The following BAG5 variants were observed in gnomAD, a reference collection of about 807,000 sequenced individuals.
BAG5 encodes BAG family molecular chaperone regulator 5.
BAG5 carries 25 observed loss-of-function variants against 31.8 expected under a neutral mutation model. The observed-to-expected ratio is 0.79, with a 90% CI of 0.57 to 1.10. The LOEUF (loss-of-function observed/expected upper bound fraction) is 1.10. BAG5 is among the 50% of genes least tolerant of loss of function. The pLI, the probability that BAG5 is intolerant of heterozygous loss-of-function variation, is 0.00. For synonymous variants in BAG5, 208 were observed against 205.0 expected (o/e 1.01, Z -0.13); for missense variants, 491 against 527.9 (o/e 0.93, Z 0.68).
At chr14:103,562,307 G>A (rs979314473) in intron 1 of BAG5, 14 of 398,984 alleles carry the variant, frequency 3.5e-5, no homozygotes, top group Non-Finnish European at 5.5e-5. Flanking sequence ...CCGGGTGCCA[G>A]GGCGCGCCTG....
rs1028835743 is a variant in BAG5, at chr14:103,558,767, G to A, written c.*1054C>T. ...TTTACTAAGTGAGTGGTTAACAGCTGACTGCCTAGAAAACCTAGGAAGGCC... is the reference window on the plus strand; with the variant it reads ...TTTACTAAGTGAGTGGTTAACAGCTAACTGCCTAGAAAACCTAGGAAGGCC... On this transcript the variant is annotated 3_prime_UTR_variant, in exon 2 of 2. Coordinates refer to ENST00000299204, the MANE Select transcript of BAG5 (RefSeq NM_001015048.3). 2 of 152,202 alleles carry A rather than the reference G, an allele frequency of 1.3e-5. No individual in the cohort carries two copies. The highest frequency in any genetic ancestry group is 6.5e-5 in the Admixed American group (1 of 15,274). The allele number at this position is 152,202 out of a possible 1,614,324, so 9.4% of individuals were successfully genotyped here.
chr14:103,557,369 G>A lies in BAG5; in HGVS notation c.*2452C>T, dbSNP rs534611553. On this transcript the variant is annotated 3_prime_UTR_variant, in exon 2 of 2. Transcript: ENST00000299204. ...AAGGAACGAGAACAGATTGAAACCA[G>A]AAACAAAGCCATGCCTGACAGTCAA... is the stretch of plus-strand genomic sequence containing the variant. 4 of 152,298 alleles carry A rather than the reference G, an allele frequency of 2.6e-5. No homozygotes were observed. The highest frequency in any genetic ancestry group is 9.6e-5 in the African/African-American group (4 of 41,560). The allele number at this position is 152,298 out of a possible 1,614,324, so 9.4% of individuals were successfully genotyped here.
chr14:103,561,768 T>A, intron 1 of BAG5: 1 of 632,298 alleles, frequency 1.6e-6, no homozygotes, highest in Non-Finnish European at 2.8e-6. Flanking sequence ...ACCCCACAGG[T>A]AAAGAAGAGC....
At position 103,558,565 on chromosome 14, in the gene BAG5, C is replaced by G. The variant is rs2076051293; in HGVS notation, c.*1256G>C. 6.6e-6 allele frequency: 1 copy of G among 152,214 alleles called. No individual in the cohort carries two copies. Among genetic ancestry groups the G allele is most frequent in the African/African-American group, 2.4e-5 (1 of 41,444 alleles). 9.4% of individuals were successfully genotyped at this position (152,214 alleles called of 1,614,324 possible). On this transcript the variant is annotated 3_prime_UTR_variant, in exon 2 of 2. Transcript: ENST00000299204. ...TCCTCAGAAAGCATTTATGGAAATA[C>G]ACATCCTTTAGAAGAGAGATGCTTC...
chr14:103,559,976 G>A lies in BAG5; in HGVS notation c.1189C>T (p.Arg397Trp), dbSNP rs368719657. Residue 397 changes from arginine to tryptophan, a missense_variant, in exon 2 of 2, where the codon CGG becomes TGG. Coordinates refer to ENST00000299204, the MANE Select transcript of BAG5 (RefSeq NM_001015048.3). ...TGCTTGGTGAGCAGCTCTTCCAGCCGGATGTAGTTCTTATCGGTTCGATTT... is the reference window on the plus strand; with the variant it reads ...TGCTTGGTGAGCAGCTCTTCCAGCCAGATGTAGTTCTTATCGGTTCGATTT... The part of the protein sequence containing the change: ...DGNRTDKNYI[R>W]LEELLTKQLL... 6.8e-6 allele frequency: 11 copies of A among 1,614,048 alleles called. No individual in the cohort carries two copies. The highest frequency in any genetic ancestry group is 1.3e-5 in the African/African-American group (1 of 74,920).
rs374223179 is a variant in BAG5 at position 103,560,183 on chromosome 14, T to A, written c.982A>T (p.Ile328Phe). ...ACTGCTCTTCTCCTGGCTTCCCGGA[T>A]GCAGGGGTTTTTTTCAAGACTTACC... Reference protein sequence around the residue: ...DEVSLEKNPCIREARRRAVIE... With the variant: ...DEVSLEKNPCFREARRRAVIE... Residue 328 changes from isoleucine (I) to phenylalanine (F), a missense_variant, in exon 2 of 2, where the codon ATC becomes TTC. By Grantham distance (21) the Ile-to-Phe change is conservative. Coordinates refer to ENST00000299204, the MANE Select transcript of BAG5 (RefSeq NM_001015048.3). The A allele has an allele frequency of 6.2e-7, 1 of 1,614,206 alleles. No individual in the cohort carries two copies. The highest frequency in any genetic ancestry group is 1.1e-5 in the South Asian group (1 of 91,084).
chr14:103,561,042 T>C lies in BAG5; in HGVS notation c.123A>G (p.Lys41=). ...GCTGTTTTGTTAGAATCCTCTCCAGTTTCTTGTAATTCTTGTCATCTGACA... is the reference window on the plus strand; with the variant it reads ...GCTGTTTTGTTAGAATCCTCTCCAGCTTCTTGTAATTCTTGTCATCTGACA... ...SGLSDDKNYK[K]LERILTKQLF... is the part of the protein sequence containing the mutation. Residue 41 remains lysine (K), a synonymous_variant, in exon 2 of 2, where the codon AAA becomes AAG. Transcript: ENST00000299204. 6.2e-7 allele frequency: 1 copy of C among 1,613,486 alleles called. No homozygotes were observed. Among genetic ancestry groups the C allele is most frequent in the Non-Finnish European group, 8.5e-7 (1 of 1,180,028 alleles).
intron 1 of BAG5, chr14:103,561,920 T>G (rs1163782069): frequency 6.2e-7 from 1 of 1,608,982 alleles, no homozygotes; most frequent in African/African-American, 1.3e-5. Flanking sequence ...CGCCTCCCAC[T>G]GGGAGTCCAC....
Position 103,560,503 on chromosome 14 carries a change from G to C in BAG5, c.662C>G (p.Ser221Trp), listed in dbSNP as rs762520743. The change falls in exon 2 of 2, where the codon TCG becomes TGG. Residue 221 changes from serine (S) to tryptophan (W), a missense_variant. Physicochemically the swap from Ser to Trp is radical, Grantham distance 177 (BLOSUM62 -3). Transcript: ENST00000299204. ...AGCATCCAGGTCAGCGATCAGCCCC[G>C]AGAGCACACAGGATAAGTGCCTGCA... ...ETCRHLSCVL[S>W]GLIADLDALD... is the part of the protein sequence containing the mutation. The C allele has an allele frequency of 6.2e-7, 1 of 1,613,980 alleles. No homozygotes were observed. Among genetic ancestry groups the C allele is most frequent in the Admixed American group, 1.7e-5 (1 of 59,986 alleles).
At chr14:103,562,234 C>T (rs1029851147) in intron 1 of BAG5, 1 of 546,162 alleles carries the variant, frequency 1.8e-6, no homozygotes, top group African/African-American at 1.9e-5. Flanking sequence ...CCGACTAGGT[C>T]TGAGCGGGGC....
rs906014476 is a variant in BAG5, at chr14:103,560,576, G to A, written c.589C>T (p.Arg197Ter). Residue 197 changes from arginine (R) to a stop codon, truncating the protein, a stop_gained, in exon 2 of 2, where the codon CGA becomes TGA. Coordinates refer to ENST00000299204, the MANE Select transcript of BAG5 (RefSeq NM_001015048.3). LOFTEE classifies it high-confidence loss of function. ...ATCAGAAGTGCAATCAGGACCCCTC[G>A]GGCCTTGTTCACCTCACACATCACG... is the stretch of plus-strand genomic sequence containing the variant. ...NFVMCEVNKARGVLIALLMGV... is the reference protein window; with the variant it reads ...NFVMCEVNKA 1.4e-5 allele frequency: 22 copies of A among 1,614,024 alleles called. No individual in the cohort carries two copies. The highest frequency in any genetic ancestry group is 8.9e-5 in the East Asian group (4 of 44,888).
rs1430857945 is a variant in BAG5 at position 103,560,932 on chromosome 14, A to C, written c.233T>G (p.Leu78Arg). Residue 78 changes from leucine (L) to arginine (R), a missense_variant, in exon 2 of 2, where the codon CTT becomes CGT. Transcript: ENST00000299204. ...RKRAAQETER[L>R]LKELEQNANH... ...TGCATTCTGCTCCAACTCTTTGAGA[A>C]GACGTTCTGTCTCCTGTGCTGCCCG... 1 of 1,614,182 alleles carries C rather than the reference A, an allele frequency of 6.2e-7. No homozygotes were observed. Among genetic ancestry groups the C allele is most frequent in the Admixed American group, 1.7e-5 (1 of 60,018 alleles).
chr14:103,560,667 G>A lies in BAG5; in HGVS notation c.498C>T (p.Cys166=). 6.8e-6 allele frequency: 11 copies of A among 1,614,146 alleles called. No individual in the cohort carries two copies. The highest frequency in any genetic ancestry group is 9.3e-6 in the Non-Finnish European group (11 of 1,180,036). Residue 166 remains cysteine, a synonymous_variant, in exon 2 of 2, where the codon TGC becomes TGT. Transcript: ENST00000299204. ...ICAVQEIIED[C]MKKQPSLPLS... Reference sequence around the variant, plus strand: ...GCGGCAGGGAAGGCTGCTTTTTCATGCAGTCTTCGATTATCTCTTGCACCG... The same window carrying A: ...GCGGCAGGGAAGGCTGCTTTTTCATACAGTCTTCGATTATCTCTTGCACCG...
rs1263270040 is a variant in BAG5 at position 103,560,644 on chromosome 14, G to A, written c.521C>T (p.Pro174Leu). 3.7e-6 allele frequency: 6 copies of A among 1,614,138 alleles called. No homozygotes were observed. Among genetic ancestry groups the A allele is most frequent in the South Asian group, 3.3e-5 (3 of 91,084 alleles). Residue 174 changes from proline (P) to leucine (L), a missense_variant, in exon 2 of 2, where the codon CCG (proline) becomes CTG (leucine). Physicochemically the swap from Pro to Leu is moderately conservative, Grantham distance 98. Coordinates refer to ENST00000299204, the MANE Select transcript of BAG5 (RefSeq NM_001015048.3). ...EDCMKKQPSL[P>L]LSEDAHPSVA... is the part of the protein sequence containing the mutation. Reference sequence around the variant, plus strand: ...GGAAGGATGTGCATCCTCGGAAAGCGGCAGGGAAGGCTGCTTTTTCATGCA... The same window carrying A: ...GGAAGGATGTGCATCCTCGGAAAGCAGCAGGGAAGGCTGCTTTTTCATGCA...
In BAG5 at chr14:103,557,390, G is replaced by A. The variant is rs976577468; in HGVS notation, c.*2431C>T. On this transcript the variant is annotated 3_prime_UTR_variant, in exon 2 of 2. Coordinates refer to ENST00000299204, the MANE Select transcript of BAG5 (RefSeq NM_001015048.3). ...ACCAGAAACAAAGCCATGCCTGACA[G>A]TCAATCAAGGTCAATCTGATCATTT... 1 of 152,142 alleles carries A rather than the reference G, an allele frequency of 6.6e-6. No homozygotes were observed. The highest frequency in any genetic ancestry group is 1.5e-5 in the Non-Finnish European group (1 of 68,034). 9.4% of individuals were successfully genotyped at this position (152,142 alleles called of 1,614,324 possible).
Position 103,559,472 on chromosome 14 carries a change from G to T in BAG5, c.*349C>A. On this transcript the variant is annotated 3_prime_UTR_variant, in exon 2 of 2. Transcript: ENST00000299204. ...CATAATTTTCCTAGTATTATGTAAG[G>T]TTATGCCTAGTTCTAGATTCTGAAA... The T allele has an allele frequency of 4.6e-6, 1 of 216,424 alleles. No individual in the cohort carries two copies. The highest frequency in any genetic ancestry group is 9.4e-6 in the Non-Finnish European group (1 of 106,794). The allele number at this position is 216,424 out of a possible 1,614,324, so 13.4% of individuals were successfully genotyped here. A position where few individuals can be genotyped will look rare whatever the true frequency, so the allele number is the denominator to read the frequency against.
At position 103,560,100 on chromosome 14, in the gene BAG5, T is replaced by G; in HGVS notation, c.1065A>C (p.Arg355Ser). The G allele has an allele frequency of 6.2e-7, 1 of 1,614,148 alleles. No individual in the cohort carries two copies. ...GGTGCTCCTCACAAGCAAACAGCTT[T>G]CTTTTCTCAAGGGCCTCCTTCAAGT... The part of the protein sequence containing the change: ...YIDLKEALEK[R>S]KLFACEEHPS... Residue 355 changes from arginine to serine, a missense_variant, in exon 2 of 2, where the codon AGA becomes AGC. By Grantham distance (110) the Arg-to-Ser change is moderately radical. Transcript: ENST00000299204.
chr14:103,561,363 CTAA>C (rs1276324715), intron 1 of BAG5, among the ~76,000 whole-genome samples, 171 bp from the exon 2 acceptor site: 1 of 152,182 alleles, frequency 6.6e-6, no homozygotes, highest in African/African-American at 2.4e-5. Flanking sequence ...CTACGCCCAG[CTAA>C]TGTTATTTTT....
At chr14:103,561,318 G>T in intron 1 of BAG5, 126 bp from the exon 2 acceptor site, 1 of 972,552 alleles carries the variant, frequency 1.0e-6, no homozygotes, top group Non-Finnish European at 1.5e-6. Flanking sequence ...TCCCACCTCA[G>T]CCTCCCCAGT....
Sources: gnomAD v4.1 joint callset for allele counts (sites outside exome capture counted in the v4.1 genomes callset) on GRCh38, gnomAD v4.1.1 for gene constraint, MANE v1.5 for transcripts, NCBI Gene and HGNC (gene_info 2026-07-23, HGNC 2026-07-21) for gene names.